CPSF4L: variants seen among roughly 807,000 people sequenced by gnomAD.
CPSF4L encodes the protein putative cleavage and polyadenylation specificity factor subunit 4-like protein.
CPSF4L carries 18 observed loss-of-function variants against 24.0 expected under a neutral mutation model. The ratio of observed to expected loss-of-function variants is 0.75; its 90% CI spans 0.52 to 1.11. CPSF4L has a LOEUF of 1.11. Ranked by LOEUF, CPSF4L falls within the 50% of genes least tolerant of loss-of-function variation. The pLI is 0.00. For synonymous variants in CPSF4L, 72 were observed against 77.2 expected (o/e 0.93, Z 0.35); for missense variants, 211 against 221.8 (o/e 0.95, Z 0.31).
At chr17:73,242,873 A>AAGCC in the CPSF4L span, 1 of 1,595,150 alleles carries the variant, frequency 6.3e-7, no homozygotes, top group African/African-American at 1.3e-5. Context: ...CTGTAACAAC[A>AAGCC]AGCCGTGTTT....
chr17:73,253,754 C>T (rs895020191), intron 4 of CPSF4L, among the ~76,000 whole-genome samples, 177 bp downstream of exon 4: 2 of 152,208 alleles, frequency 1.3e-5, no homozygotes, highest in Non-Finnish European at 2.9e-5. Flanking sequence ...CCTGTTATGG[C>T]CCCACACCAG....
Position 73,255,378 on chromosome 17 carries a change from G to A in CPSF4L, c.308-1352C>T, listed in dbSNP as rs546208023. 5.9e-5 allele frequency among the ~76,000 whole-genome samples: 9 copies of A among 151,990 alleles called. No homozygotes were observed. In the East Asian group the frequency reaches 1.2e-3, roughly 20 times the overall value. ...AAAAATTAGCCAGGTATGGTGGCAC[G>A]TGCCTGTAGTCCCAGTTATTCAGGA... On this transcript the variant is annotated intron_variant, in intron 3 of 5. Coordinates refer to ENST00000344935, the MANE Select transcript of CPSF4L (RefSeq NM_001129885.1).
At chr17:73,242,478 A>G in the CPSF4L span, 11 of 610,390 alleles carry the variant, frequency 1.8e-5, no homozygotes, top group Non-Finnish European at 3.1e-5. Context: ...TTGTCTTCCT[A>G]GTTTTCCATT....
At position 73,261,758 on chromosome 17, in the gene CPSF4L, T is replaced by A. The variant is rs879203590; in HGVS notation, c.61A>T (p.Met21Leu). Residue 21 changes from methionine to leucine, a missense_variant, in exon 1 of 6, where the codon ATG becomes TTG. Physicochemically the swap from Met to Leu is conservative, Grantham distance 15. Transcript: ENST00000344935. ...GGCAGGAGCCCAGTGCCCTTCTGCATCTCGACATCCTTCTCGAAGGCAAAG... is the reference window on the plus strand; with the variant it reads ...GGCAGGAGCCCAGTGCCCTTCTGCAACTCGACATCCTTCTCGAAGGCAAAG... ...FTFAFEKDVE[M>L]QKGTGLLPFQ... 1 of 1,551,734 alleles carries A rather than the reference T, an allele frequency of 6.4e-7. No homozygotes were observed. The highest frequency in any genetic ancestry group is 1.2e-5 in the South Asian group (1 of 84,058).
intron 4 of CPSF4L, 119 bp from the exon 5 acceptor site, chr17:73,252,842 G>T: frequency 3.2e-6 from 2 of 626,576 alleles, no homozygotes. Context: ...AATAGGGGTG[G>T]ATAAATCTTC....
At chr17:73,245,340 AAAAT>A (rs760927230), downstream of CPSF4L, 77 of 1,387,568 alleles carry the variant, frequency 5.5e-5, no homozygotes, top group Admixed American at 1.2e-3. Context: ...ATTGGAATCT[AAAAT>A]AATGATACAG....
chr17:73,256,213 G>A (rs996878253), intron 3 of CPSF4L, among the ~76,000 whole-genome samples: 3 of 152,204 alleles, frequency 2.0e-5, no homozygotes, highest in Admixed American at 2.0e-4. Flanking sequence ...TAAGTAGGTG[G>A]CATTTTATTA....
chr17:73,258,666 G>A (rs2062032918), intron 2 of CPSF4L, among the ~76,000 whole-genome samples: 1 of 152,010 alleles, frequency 6.6e-6, no homozygotes, highest in African/African-American at 2.4e-5. Context: ...CTTCCCATCT[G>A]CCTGGAGTGC....
intron 3 of CPSF4L, among the ~76,000 whole-genome samples, chr17:73,256,029 T>A (rs1304225273): frequency 1.3e-5 from 2 of 152,346 alleles, no homozygotes; most frequent in East Asian, 3.9e-4. Context: ...GAAAGCCATA[T>A]GCATTCATTT....
chr17:73,249,529 G>A (rs1382718227), intron 5 of CPSF4L, among the ~76,000 whole-genome samples: 1 of 152,218 alleles, frequency 6.6e-6, no homozygotes, highest in African/African-American at 2.4e-5. Context: ...CCTGACTGGG[G>A]ACTCCAGCTC....
chr17:73,262,514 C>T (rs1242764246), upstream of CPSF4L, among the ~76,000 whole-genome samples: 2 of 152,226 alleles, frequency 1.3e-5, no homozygotes, highest in Non-Finnish European at 2.9e-5. Flanking sequence ...AAGGCCAGGG[C>T]GGCCTCCCAG....
chr17:73,247,112 A>T (rs1348786326), downstream of CPSF4L: 2 of 780,992 alleles, frequency 2.6e-6, no homozygotes, highest in Admixed American at 4.9e-5. Context: ...AAATGTACAA[A>T]AACAAGCCCT....
intron 5 of CPSF4L, 199 bp from the exon 6 acceptor site, chr17:73,248,735 C>G (rs1431591708): frequency 3.3e-6 from 2 of 614,712 alleles, no homozygotes; most frequent in East Asian, 2.8e-5. Flanking sequence ...CACACGTGGT[C>G]TGTGTAAGTG....
chr17:73,260,361 T>C (rs2062040397), intron 2 of CPSF4L, among the ~76,000 whole-genome samples: 1 of 152,140 alleles, frequency 6.6e-6, no homozygotes, highest in South Asian at 2.1e-4. Flanking sequence ...CTGGTTACCC[T>C]GATGCGAACT....
At chr17:73,259,815 C>G (rs7210897) in intron 2 of CPSF4L, among the ~76,000 whole-genome samples, 11,662 of 152,258 alleles carry the variant, frequency 0.077, 517 homozygotes, top group Non-Finnish European at 0.091. Flanking sequence ...CAGGGACAGA[C>G]TCATTTGGAT....
chr17:73,248,875 T>G (rs1413388681), intron 5 of CPSF4L: 1 of 257,158 alleles, frequency 3.9e-6, no homozygotes, highest in Non-Finnish European at 7.5e-6. Context: ...CATTTTATTA[T>G]CAGCAGACTC....
chr17:73,250,019 C>T (rs1483502163), intron 5 of CPSF4L: 1 of 431,914 alleles, frequency 2.3e-6, no homozygotes, highest in Non-Finnish European at 4.1e-6. Flanking sequence ...CATTTTGCTC[C>T]CGTTTTATGG....
chr17:73,246,635 T>C (rs1279096168), downstream of CPSF4L, among the ~76,000 whole-genome samples: 1 of 152,222 alleles, frequency 6.6e-6, no homozygotes, highest in African/African-American at 2.4e-5. Context: ...GGGCTACTTT[T>C]TACCTACCTT....
At chr17:73,245,136 G>C, downstream of CPSF4L, 1 of 1,611,244 alleles carries the variant, frequency 6.2e-7, no homozygotes, top group Non-Finnish European at 8.5e-7. Context: ...GTGGCCTCTC[G>C]GATCCTTACA....
Sources: gnomAD v4.1 joint callset for allele counts (sites outside exome capture counted in the v4.1 genomes callset) on GRCh38, gnomAD v4.1.1 for gene constraint, MANE v1.5 for transcripts, NCBI Gene and HGNC (gene_info 2026-07-23, HGNC 2026-07-21) for gene names.